RNF214: variants seen among roughly 807,000 people sequenced by gnomAD.
The protein encoded by RNF214 is ring finger protein 214.
RNF214 carries 25 observed loss-of-function variants against 75.9 expected under a neutral mutation model. That is an observed-to-expected ratio of 0.33 (90% CI 0.24 to 0.46). The LOEUF is 0.46. Ranked by LOEUF, RNF214 falls within the 20% of genes least tolerant of loss-of-function variation. The pLI, the probability that RNF214 is intolerant of heterozygous loss-of-function variation, is 1.00. For synonymous variants in RNF214, 314 were observed against 308.8 expected (o/e 1.02, Z -0.18); for missense variants, 725 against 857.5 (o/e 0.85, Z 1.93).
In RNF214 at chr11:117,238,963, C is replaced by G; in HGVS notation, c.470C>G (p.Thr157Ser). The G allele has an allele frequency of 6.2e-7, 1 of 1,614,166 alleles. No homozygotes were observed. The highest frequency in any genetic ancestry group is 8.5e-7 in the Non-Finnish European group (1 of 1,180,036). ...RNCSEEKSPQ[T>S]SILKEGNRDT... ...TGCTCTGAAGAGAAATCCCCACAAA[C>G]CTCCATCCTAAAGGAAGGTAACAGG... Residue 157 changes from threonine to serine, a missense_variant, in exon 3 of 15, where the codon ACC becomes AGC. Physicochemically the swap from Thr to Ser is moderately conservative, Grantham distance 58. Around this residue, in one of 2 missense-constraint regions of RNF214, gnomAD observed 362 missense variants for 344.5 expected, o/e 1.05. Transcript: ENST00000300650.
At chr11:117,257,811 G>A (rs1164540143) in intron 6 of RNF214, among the ~76,000 whole-genome samples, 1 of 152,190 alleles carries the variant, frequency 6.6e-6, no homozygotes, top group Non-Finnish European at 1.5e-5. Flanking sequence ...AAATAAATGA[G>A]AACCAAGTCT....
In RNF214 at chr11:117,262,899, C is replaced by T. The variant is rs114225348; in HGVS notation, c.959+15951C>T. 6.9e-3 allele frequency among the ~76,000 whole-genome samples: 1,048 copies of T among 152,082 alleles called. 10 individuals carry two copies. Among genetic ancestry groups the T allele is most frequent in the African/African-American group, 0.022 (910 of 41,492 alleles). ...ATCATGGCTCACTGCAGCTTCAACC[C>T]GGGTTCACACAATTCTCCCACCTCA... On this transcript the variant is annotated intron_variant, in intron 6 of 14. Coordinates refer to ENST00000300650, the MANE Select transcript of RNF214 (RefSeq NM_207343.4).
chr11:117,264,928 G>A (rs1401125710), intron 6 of RNF214, among the ~76,000 whole-genome samples: 4 of 151,958 alleles, frequency 2.6e-5, no homozygotes, highest in Admixed American at 6.6e-5. Flanking sequence ...TTAGCTGGGC[G>A]TGGTGGCATG....
chr11:117,239,888 T>C (rs1394127803), intron 4 of RNF214, 28 bp downstream of exon 4: 2 of 1,191,156 alleles, frequency 1.7e-6, no homozygotes, highest in Middle Eastern at 1.9e-4. Flanking sequence ...CCTTGTTATA[T>C]GAAGCCATTA....
At chr11:117,253,180 GTTT>G (rs1041072126) in intron 6 of RNF214, among the ~76,000 whole-genome samples, 1 of 152,066 alleles carries the variant, frequency 6.6e-6, no homozygotes, top group African/African-American at 2.4e-5. Context: ...GCCCATCTAA[GTTT>G]TTCTGTTTTG....
intron 12 of RNF214, 97 bp from the exon 13 acceptor site, chr11:117,282,649 C>T (rs924196934): frequency 3.9e-6 from 6 of 1,547,932 alleles, no homozygotes; most frequent in East Asian, 4.5e-5. Flanking sequence ...AGCTAGTCTG[C>T]TTTTTTCCTT....
intron 1 of RNF214, 27 bp from the exon 2 acceptor site, chr11:117,234,240 G>T: frequency 1.3e-6 from 2 of 1,526,498 alleles, no homozygotes; most frequent in Non-Finnish European, 1.8e-6. Flanking sequence ...GAAACTTGTA[G>T]CCTGTAATTT....
In RNF214 at chr11:117,283,290, CTT is replaced by C. The variant is rs978188444; in HGVS notation, c.2046+87_2046+88del. 128 of 927,514 alleles carry C rather than the reference CTT, an allele frequency of 1.4e-4. 1 individual carries two copies. In the South Asian group the frequency reaches 1.6e-3, roughly 12 times the overall value. 57.5% of individuals were successfully genotyped at this position (927,514 alleles called of 1,614,324 possible). A position where few individuals can be genotyped will look rare whatever the true frequency, so the allele number is the denominator to read the frequency against. On this transcript the variant is annotated intron_variant, in intron 14 of 14. Transcript: ENST00000300650. ...TAATTTTTCTTTCTCATTTTCTACT[CTT>C]TTTTTTCCCTGACAGCTAAAATAAC...
intron 6 of RNF214, among the ~76,000 whole-genome samples, chr11:117,276,435 CTCTT>C (rs1180212890): frequency 2.0e-5 from 3 of 152,002 alleles, no homozygotes. Context: ...TATAGTGGGA[CTCTT>C]TCTCTCAAAA....
intron 6 of RNF214, among the ~76,000 whole-genome samples, chr11:117,278,374 G>A (rs572150160): frequency 2.0e-5 from 3 of 152,188 alleles, no homozygotes; most frequent in Admixed American, 6.5e-5. Flanking sequence ...CTAAAATGTC[G>A]GGGAGATAAT....
At chr11:117,239,385 G>A (rs1225722471) in intron 3 of RNF214, 1 of 513,938 alleles carries the variant, frequency 1.9e-6, no homozygotes, top group Non-Finnish European at 3.5e-6. Flanking sequence ...ACTGATGAGT[G>A]CAGGACATTA....
Position 117,282,485 on chromosome 11 carries a change from G to A in RNF214, c.1794G>A (p.Gln598=), listed in dbSNP as rs2034148239. The change falls in exon 12 of 15, where the codon CAG becomes CAA. Residue 598 remains glutamine (Q), a synonymous_variant. Transcript: ENST00000300650. ...MAGLTMEELI[Q]LVAARLAEHE... is the part of the protein sequence containing the mutation. Reference sequence around the variant, plus strand: ...GCCTGACCATGGAGGAACTTATCCAGTTGGTTGCTGCACGACTGGCAGAAC... The same window carrying A: ...GCCTGACCATGGAGGAACTTATCCAATTGGTTGCTGCACGACTGGCAGAAC... 1 of 1,614,080 alleles carries A rather than the reference G, an allele frequency of 6.2e-7. No individual in the cohort carries two copies. The highest frequency in any genetic ancestry group is 1.7e-5 in the Admixed American group (1 of 59,998).
At position 117,239,100 on chromosome 11, in the gene RNF214, A is replaced by G. The variant is rs1383553513; in HGVS notation, c.607A>G (p.Ile203Val). 3 of 1,603,094 alleles carry G rather than the reference A, an allele frequency of 1.9e-6. No homozygotes were observed. Among genetic ancestry groups the G allele is most frequent in the African/African-American group, 1.3e-5 (1 of 74,666 alleles). Residue 203 changes from isoleucine to valine, a missense_variant, in exon 3 of 15, where the codon ATT becomes GTT. Ile to Val is a conservative substitution (Grantham distance 29). Transcript: ENST00000300650. ...DSSSLKLSQN[I>V]AVQTDFKTAD... ...CTCTTCCCTGAAGCTTTCTCAGAAC[A>G]TTGCTGTACAGGTCAAGTGTCAAGT...
chr11:117,257,504 A>G (rs1033889165), intron 6 of RNF214, among the ~76,000 whole-genome samples: 36 of 152,338 alleles, frequency 2.4e-4, no homozygotes, highest in African/African-American at 8.4e-4. Flanking sequence ...ATTTGATGAT[A>G]TGGGACATTC....
chr11:117,277,384 C>A (rs1437879263), intron 6 of RNF214, among the ~76,000 whole-genome samples: 1 of 152,068 alleles, frequency 6.6e-6, no homozygotes, highest in Non-Finnish European at 1.5e-5. Context: ...TTTGGGGAAG[C>A]AATACCTGGA....
intron 6 of RNF214, among the ~76,000 whole-genome samples, chr11:117,247,871 A>AC (rs2033269619): frequency 6.6e-6 from 1 of 151,268 alleles, no homozygotes; most frequent in East Asian, 1.9e-4. Flanking sequence ...AAAAAAAAAA[A>AC]CAAAACAAAA....
intron 6 of RNF214, among the ~76,000 whole-genome samples, chr11:117,278,897 C>T (rs1316420538): frequency 2.0e-5 from 3 of 152,078 alleles, no homozygotes; most frequent in Non-Finnish European, 2.9e-5. Context: ...TTGAGAACAG[C>T]CTGTAGAACA....
chr11:117,272,571 T>C (rs574335554), intron 6 of RNF214, among the ~76,000 whole-genome samples: 63 of 152,256 alleles, frequency 4.1e-4, no homozygotes, highest in African/African-American at 1.5e-3. Context: ...AACCTACATA[T>C]TCTGCACTAG....
rs1406296382 is a variant in RNF214, at chr11:117,286,313, G to A, written c.*1162G>A. ...AGATCATTTTCCACCTCTGCTTATT[G>A]TACTTCTTAATTTTAGGTTTTATAC... On this transcript the variant is annotated 3_prime_UTR_variant, in exon 15 of 15. Transcript: ENST00000300650. The A allele has an allele frequency of 1.3e-5, 2 of 152,138 alleles. No individual in the cohort carries two copies. The highest frequency in any genetic ancestry group is 2.4e-5 in the African/African-American group (1 of 41,434). The allele number at this position is 152,138 out of a possible 1,614,324, so 9.4% of individuals were successfully genotyped here. A position where few individuals can be genotyped will look rare whatever the true frequency, so the allele number is the denominator to read the frequency against.
Sources: allele counts gnomAD v4.1 joint callset (sites outside exome capture counted in the v4.1 genomes callset), GRCh38; gene constraint gnomAD v4.1.1; regional missense constraint gnomAD v4.1.1; transcripts MANE v1.5; gene names NCBI Gene and HGNC (gene_info 2026-07-23, HGNC 2026-07-21).